Variants in TNPO3 observed in about 807,000 individuals in gnomAD.
TNPO3 encodes the protein transportin-3.
Under a neutral mutation model 122.8 loss-of-function variants are expected in TNPO3, and 65 were observed. That is an observed-to-expected ratio of 0.53 (90% CI 0.43 to 0.65). TNPO3 has a LOEUF of 0.65. Among genes scored for constraint, TNPO3 ranks in the 30% least tolerant of loss-of-function variants. TNPO3 has a pLI of 0.00. For missense variants in TNPO3, 850 were observed against 1,136.7 expected (o/e 0.75, Z 3.63); for synonymous variants, 372 against 411.2 (o/e 0.90, Z 1.15).
intron 19 of TNPO3, among the ~76,000 whole-genome samples, chr7:128,972,064 C>T (rs1798545562): frequency 6.6e-6 from 1 of 152,164 alleles, no homozygotes; most frequent in Non-Finnish European, 1.5e-5. Flanking sequence ...CTGAGGATCC[C>T]TTGAGATTCA....
intron 20 of TNPO3, among the ~76,000 whole-genome samples, chr7:128,968,359 T>C (rs1258897): frequency 0.99 from 150,319 of 152,272 alleles, 74,217 homozygotes; most frequent in Middle Eastern, 1. Context: ...TTATGCCTTT[T>C]CTATGCACAA....
intron 20 of TNPO3, among the ~76,000 whole-genome samples, chr7:128,967,934 T>C (rs1798080791): frequency 1.3e-5 from 2 of 152,132 alleles, no homozygotes; most frequent in African/African-American, 2.4e-5. Context: ...CAATTTTTTT[T>C]TTTAAGAGAT....
chr7:128,990,309 A>T, intron 10 of TNPO3: 4 of 647,418 alleles, frequency 6.2e-6, no homozygotes, highest in Non-Finnish European at 1.1e-5. Flanking sequence ...CAGGAAAAGC[A>T]TACTGCTCCT....
chr7:128,980,180 G>A (rs1799484463), intron 14 of TNPO3, 149 bp from the exon 15 acceptor site: 2 of 724,034 alleles, frequency 2.8e-6, no homozygotes, highest in African/African-American at 1.8e-5. Flanking sequence ...ACCTTTATAA[G>A]CACATCCTTT....
At chr7:128,999,150 G>A (rs1248317408) in intron 7 of TNPO3, among the ~76,000 whole-genome samples, 2 of 152,164 alleles carry the variant, frequency 1.3e-5, no homozygotes, top group Non-Finnish European at 2.9e-5. Flanking sequence ...CCGGCCAGAA[G>A]TCTTTTTTAA....
In TNPO3 at chr7:128,978,959, T is replaced by TC. The variant is rs145442081; in HGVS notation, c.2061+23dup. The TC allele has an allele frequency of 2.0e-3, 3,227 of 1,612,498 alleles. 46 individuals carry two copies. The African/African-American group carries it at 0.036, about 18-fold the overall frequency. On this transcript the variant is annotated intron_variant, in intron 16 of 22. Transcript: ENST00000265388. The stretch of plus-strand genomic sequence containing the variant: ...TTTCAAATTCTGTACATGGAACACG[T>TC]CCCCCCGCAACAGATAACTTTACCT...
chr7:128,966,139 T>A (rs573521945), intron 21 of TNPO3, among the ~76,000 whole-genome samples: 1 of 152,338 alleles, frequency 6.6e-6, no homozygotes, highest in Admixed American at 6.5e-5. Flanking sequence ...CAAGTTAGGT[T>A]ATGTAATACT....
chr7:128,986,466 T>C (rs1800158822), intron 12 of TNPO3, among the ~76,000 whole-genome samples: 1 of 152,264 alleles, frequency 6.6e-6, no homozygotes, highest in African/African-American at 2.4e-5. Flanking sequence ...AGTTTGAATA[T>C]GTTGTCTCTA....
chr7:129,017,171 C>T, intron 2 of TNPO3, 115 bp from the exon 3 acceptor site: 3 of 932,002 alleles, frequency 3.2e-6, no homozygotes, highest in East Asian at 5.1e-5. Context: ...CTAAGACTAA[C>T]CCCCTTCCCC....
At position 128,954,616 on chromosome 7, in the gene TNPO3, G is replaced by C. The variant is rs1796739195; in HGVS notation, c.*801C>G. On this transcript the variant is annotated 3_prime_UTR_variant, in exon 23 of 23. Coordinates refer to ENST00000265388, the MANE Select transcript of TNPO3 (RefSeq NM_012470.4). ...CTGATGTGGATTGGAAGTGGACTGAGAGAATGAACGGGGTCAGGGTTCAGA... is the reference window on the plus strand; with the variant it reads ...CTGATGTGGATTGGAAGTGGACTGACAGAATGAACGGGGTCAGGGTTCAGA... 1.4e-5 allele frequency: 2 copies of C among 145,070 alleles called. No individual in the cohort carries two copies. Among genetic ancestry groups the C allele is most frequent in the African/African-American group, 5.1e-5 (2 of 39,030 alleles). The allele number at this position is 145,070 out of a possible 1,614,324, so 9.0% of individuals were successfully genotyped here.
rs1337622940 is a variant in TNPO3, at chr7:129,041,468, C to T, written c.120+13183G>A. 7.3e-6 allele frequency: 6 copies of T among 823,264 alleles called. No homozygotes were observed. The South Asian group carries it at 2.8e-4, about 38-fold the overall frequency. 51.0% of individuals were successfully genotyped at this position (823,264 alleles called of 1,614,324 possible). A position where few individuals can be genotyped will look rare whatever the true frequency, so the allele number is the denominator to read the frequency against. ...ACAGTACATTGCTCATTGTTCTTCCCCTCTGCTAAACAGCAGAAAAAAGGA... is the reference window on the plus strand; with the variant it reads ...ACAGTACATTGCTCATTGTTCTTCCTCTCTGCTAAACAGCAGAAAAAAGGA... On this transcript the variant is annotated intron_variant, in intron 1 of 22. Transcript: ENST00000265388.
At chr7:129,018,693 A>C (rs1320970005) in intron 1 of TNPO3, among the ~76,000 whole-genome samples, 1 of 152,194 alleles carries the variant, frequency 6.6e-6, no homozygotes, top group East Asian at 1.9e-4. Context: ...ATGTTGGCTC[A>C]AGTAAATATT....
chr7:129,012,003 C>CTTTTTTTTTTTTTTTTTT (rs1174882837), intron 4 of TNPO3, among the ~76,000 whole-genome samples: 24 of 131,700 alleles, frequency 1.8e-4, no homozygotes, highest in Non-Finnish European at 2.4e-4. Context: ...CTTTTTCTTT[C>CTTTTTTTTTTTTTTTTTT]TTTTTTTTTT....
intron 1 of TNPO3, among the ~76,000 whole-genome samples, chr7:129,044,981 C>T (rs1174569451): frequency 1.3e-5 from 2 of 152,106 alleles, no homozygotes; most frequent in East Asian, 1.9e-4. Flanking sequence ...ATAAGCCAAA[C>T]GTGGTATATA....
chr7:129,041,780 T>C (rs1179780390), intron 1 of TNPO3: 2 of 973,576 alleles, frequency 2.1e-6, no homozygotes, highest in East Asian at 1.1e-4. Context: ...CACAAAGCAG[T>C]AGCAGAACAG....
chr7:128,975,174 AT>A (rs1216432938), intron 17 of TNPO3, among the ~76,000 whole-genome samples: 1 of 152,232 alleles, frequency 6.6e-6, no homozygotes, highest in Non-Finnish European at 1.5e-5. Context: ...TGAAGTCCAC[AT>A]TTAAGAAAGG....
chr7:128,990,112 C>T lies in TNPO3; in HGVS notation c.1359-12G>A, dbSNP rs369053779. On this transcript the variant is annotated splice_polypyrimidine_tract_variant and intron_variant, in intron 10 of 22. Coordinates refer to ENST00000265388, the MANE Select transcript of TNPO3 (RefSeq NM_012470.4). Reference sequence around the variant, plus strand: ...TTGGATTGTTTTCCCTGAGTACAGGCGGTAAGTACTCACAGTTACTGATTT... The same window carrying T: ...TTGGATTGTTTTCCCTGAGTACAGGTGGTAAGTACTCACAGTTACTGATTT... The T allele has an allele frequency of 9.0e-5, 145 of 1,614,126 alleles. 1 individual carries two copies. In the South Asian group the frequency reaches 1.4e-3, roughly 15 times the overall value.
At chr7:129,025,398 C>A (rs1373200210) in intron 1 of TNPO3, among the ~76,000 whole-genome samples, 10 of 106,926 alleles carry the variant, frequency 9.4e-5, no homozygotes, top group East Asian at 5.7e-4. Flanking sequence ...AAAAAAAAAA[C>A]CAGCTGGACT....
intron 1 of TNPO3, among the ~76,000 whole-genome samples, chr7:129,047,551 T>C (rs1276512176): frequency 6.6e-6 from 1 of 152,132 alleles, no homozygotes; most frequent in Non-Finnish European, 1.5e-5. Context: ...CTTCAGAAAA[T>C]GGCTGTTTTA....
Sources: allele counts gnomAD v4.1 joint callset (sites outside exome capture counted in the v4.1 genomes callset), GRCh38; gene constraint gnomAD v4.1.1; transcripts MANE v1.5; gene names NCBI Gene and HGNC (gene_info 2026-07-23, HGNC 2026-07-21).